Variants in SLC2A8 observed in about 807,000 individuals in gnomAD.
SLC2A8 encodes solute carrier family 2, facilitated glucose transporter member 8.
Under a neutral mutation model 49.2 loss-of-function variants are expected in SLC2A8, and 53 were observed. The observed-to-expected ratio is 1.08, with a 90% CI of 0.86 to 1.35. The LOEUF (loss-of-function observed/expected upper bound fraction) is 1.35, where lower values mean the gene tolerates loss of function less well. Among genes scored for constraint, SLC2A8 ranks in the 40% most tolerant of loss-of-function variants. The probability of loss-of-function intolerance (pLI) is 0.00; values close to 1 mark genes in which losing one functional copy is unlikely to be tolerated. For synonymous variants in SLC2A8, 299 were observed against 297.0 expected, an observed-to-expected ratio of 1.01 and a Z score of -0.07; for missense variants, 688 against 671.7, an observed-to-expected ratio of 1.02 and a Z score of -0.27.
intron 9 of SLC2A8, chr9:127,406,101 A>G: frequency 1.9e-6 from 1 of 517,234 alleles, no homozygotes; most frequent in African/African-American, 1.9e-5. Context: ...GCCAACAGAG[A>G]GACAGTTCTG....
At chr9:127,406,029 C>G in intron 9 of SLC2A8, 1 of 519,724 alleles carries the variant, frequency 1.9e-6, no homozygotes, top group Non-Finnish European at 3.8e-6. Context: ...TTCAGTTCAT[C>G]CTGTTGCTGC....
chr9:127,406,021 C>T (rs778981794), intron 9 of SLC2A8: 1 of 520,350 alleles, frequency 1.9e-6, no homozygotes, highest in Non-Finnish European at 3.8e-6. Flanking sequence ...AGCATTAATT[C>T]AGTTCATCCT....
In SLC2A8 at chr9:127,399,390, AAAC is replaced by A. The variant is rs1163245931; in HGVS notation, c.427-515_427-513del. 6.6e-6 allele frequency among the ~76,000 whole-genome samples: 1 copy of A among 151,932 alleles called. No homozygotes were observed. Among genetic ancestry groups the A allele is most frequent in the Admixed American group, 6.5e-5 (1 of 15,272 alleles). ...CTCTCCGTTACCCTTAATCCCCTTTAAACACCTGCCACAGATCTTTCAGTGGTG... is the reference window on the plus strand; with the variant it reads ...CTCTCCGTTACCCTTAATCCCCTTTAACCTGCCACAGATCTTTCAGTGGTG... On this transcript the variant is annotated intron_variant, in intron 3 of 9. Coordinates refer to ENST00000373371, the MANE Select transcript of SLC2A8 (RefSeq NM_014580.5). The surrounding 1 kb of genome is among the most constrained non-coding windows in gnomAD (Gnocchi z 4.2).
intron 9 of SLC2A8, 27 bp downstream of exon 9, chr9:127,405,592 G>C: frequency 6.2e-7 from 1 of 1,612,036 alleles, no homozygotes; most frequent in East Asian, 2.2e-5. Context: ...CCAGCACCGC[G>C]TTCGTGCAGT....
intron 4 of SLC2A8, 171 bp from the exon 5 acceptor site, chr9:127,402,386 G>A (rs1833320718): frequency 9.5e-7 from 1 of 1,055,206 alleles, no homozygotes; most frequent in African/African-American, 1.6e-5. Context: ...ATTGGCCCGT[G>A]CCATGTGCCT....
At chr9:127,401,623 T>A (rs1833296366) in intron 4 of SLC2A8, among the ~76,000 whole-genome samples, 1 of 152,244 alleles carries the variant, frequency 6.6e-6, no homozygotes, top group Non-Finnish European at 1.5e-5. Flanking sequence ...TCTTAATATG[T>A]GCTTGTTGCT....
rs1564213084 is a variant in SLC2A8 at position 127,398,022 on chromosome 9, G to T, written c.337G>T (p.Val113Phe). 5 of 1,575,834 alleles carry T rather than the reference G, an allele frequency of 3.2e-6. No individual in the cohort carries two copies. In the South Asian group the frequency reaches 4.6e-5, roughly 14 times the overall value. The change falls in exon 3 of 10, where the codon GTC becomes TTC. Residue 113 changes from valine (V) to phenylalanine (F), a missense_variant. Coordinates refer to ENST00000373371, the MANE Select transcript of SLC2A8 (RefSeq NM_014580.5). ...CGTGCCCTTCGTGGCCGGCTTTGCC[G>T]TCATCACCGCGGCCCAGGACGTGTG... is the stretch of plus-strand genomic sequence containing the variant. ...CSVPFVAGFA[V>F]ITAAQDVWML...
In SLC2A8 at chr9:127,397,896, C is replaced by T; in HGVS notation, c.220-9C>T. On this transcript the variant is annotated splice_polypyrimidine_tract_variant and intron_variant, in intron 2 of 9. Transcript: ENST00000373371. ...CGGCGCCCCCTCCTCAGCAGCCGCCCGCCTCCAGGCTGTCGTGACCCTGGG... is the reference window on the plus strand; with the variant it reads ...CGGCGCCCCCTCCTCAGCAGCCGCCTGCCTCCAGGCTGTCGTGACCCTGGG... 1.3e-6 allele frequency: 2 copies of T among 1,481,586 alleles called. No individual in the cohort carries two copies. The highest frequency in any genetic ancestry group is 1.8e-6 in the Non-Finnish European group (2 of 1,123,072). The allele number at this position is 1,481,586 out of a possible 1,614,324, so 91.8% of individuals were successfully genotyped here. A position where few individuals can be genotyped will look rare whatever the true frequency, so the allele number is the denominator to read the frequency against.
rs1341853258 is a variant in SLC2A8, at chr9:127,406,619, G to T, written c.1297-493G>T. Among the ~76,000 whole-genome samples the T allele has an allele frequency of 4.6e-5, 7 of 152,222 alleles. No individual in the cohort carries two copies. The East Asian group carries it at 1.3e-3, about 29-fold the overall frequency. On this transcript the variant is annotated intron_variant, in intron 9 of 9. Coordinates refer to ENST00000373371, the MANE Select transcript of SLC2A8 (RefSeq NM_014580.5). ...CCTTTTTAGTTCTGGCACGTGGGAG[G>T]TCACAGTGGTGGTGGATGGCAGGGA...
Position 127,407,401 on chromosome 9 carries a change from C to T in SLC2A8, c.*152C>T. The T allele has an allele frequency of 1.0e-6, 1 of 993,710 alleles. No individual in the cohort carries two copies. The highest frequency in any genetic ancestry group is 1.6e-6 in the Non-Finnish European group (1 of 632,974). 61.6% of individuals were successfully genotyped at this position (993,710 alleles called of 1,614,324 possible). The stretch of plus-strand genomic sequence containing the variant: ...CTGTCATGCTCCCTCCAGCCCATGA[C>T]CCGGGGCTAGGAGGCTCACTGCCTC... On this transcript the variant is annotated 3_prime_UTR_variant, in exon 10 of 10. Transcript: ENST00000373371.
In SLC2A8 at chr9:127,397,476, A is replaced by C. The variant is rs1588999522; in HGVS notation, c.157A>C (p.Ser53Arg). Residue 53 changes from serine to arginine, a missense_variant, in exon 2 of 10, where the codon AGC becomes CGC. Ser to Arg is a moderately radical substitution (Grantham distance 110, BLOSUM62 -1). Transcript: ENST00000373371. ...CGGCTACAGCTCCCCGGCCATCCCT[A>C]GCCTGCAGCGCGCCGCGCCCCCGGC... ...ALGYSSPAIP[S>R]LQRAAPPAPR... 1.4e-6 allele frequency: 2 copies of C among 1,477,406 alleles called. No individual in the cohort carries two copies. Among genetic ancestry groups the C allele is most frequent in the Non-Finnish European group, 1.8e-6 (2 of 1,122,504 alleles). 91.5% of individuals were successfully genotyped at this position (1,477,406 alleles called of 1,614,324 possible).
intron 4 of SLC2A8, 152 bp from the exon 5 acceptor site, chr9:127,402,405 A>C: frequency 8.1e-7 from 1 of 1,240,960 alleles, no homozygotes; most frequent in Non-Finnish European, 1.1e-6. Flanking sequence ...CTTCATGAAC[A>C]GTTGTGATAA....
chr9:127,400,636 G>A (rs897869973), intron 4 of SLC2A8, among the ~76,000 whole-genome samples: 10 of 152,142 alleles, frequency 6.6e-5, no homozygotes, highest in East Asian at 1.9e-4. Context: ...TCTTCAGCCC[G>A]GGCGAGTAAA....
At position 127,399,241 on chromosome 9, in the gene SLC2A8, G is replaced by A. The variant is rs113265431; in HGVS notation, c.427-666G>A. Among the ~76,000 whole-genome samples, 5 of 152,342 alleles carry A rather than the reference G, an allele frequency of 3.3e-5. 1 individual carries two copies. Among genetic ancestry groups the A allele is most frequent in the African/African-American group, 1.2e-4 (5 of 41,584 alleles). On this transcript the variant is annotated intron_variant, in intron 3 of 9. Coordinates refer to ENST00000373371, the MANE Select transcript of SLC2A8 (RefSeq NM_014580.5). The surrounding 1 kb of genome is among the most constrained non-coding windows in gnomAD (Gnocchi z 4.2). ...GCGTCACGTGGAGCTGGTTAACAAG[G>A]TGGAATCTTTCGCCTGTCCAGACCT...
chr9:127,405,684 T>C, intron 9 of SLC2A8, 119 bp downstream of exon 9: 3 of 1,351,064 alleles, frequency 2.2e-6, no homozygotes, highest in Non-Finnish European at 3.0e-6. Context: ...AGCCCCACCA[T>C]GCCTGGGCCA....
chr9:127,407,527 G>A lies in SLC2A8; in HGVS notation c.*278G>A. 1 of 554,202 alleles carries A rather than the reference G, an allele frequency of 1.8e-6. No homozygotes were observed. Among genetic ancestry groups the A allele is most frequent in the South Asian group, 1.6e-5 (1 of 63,904 alleles). The allele number at this position is 554,202 out of a possible 1,614,324, so 34.3% of individuals were successfully genotyped here. The stretch of plus-strand genomic sequence containing the variant: ...TGCGCAAGACTAAAGCAGCGGAAGA[G>A]GAGGTGGGCCTCTAGGATCTTTGTC... On this transcript the variant is annotated 3_prime_UTR_variant, in exon 10 of 10. Transcript: ENST00000373371.
intron 8 of SLC2A8, 36 bp from the exon 9 acceptor site, chr9:127,405,384 A>T: frequency 6.2e-7 from 1 of 1,606,726 alleles, no homozygotes; most frequent in African/African-American, 1.3e-5. Flanking sequence ...AGCCCTGCGG[A>T]CCCTGATGCC....
At chr9:127,398,424 C>T in intron 3 of SLC2A8, 2 of 702,696 alleles carry the variant, frequency 2.8e-6, no homozygotes, top group South Asian at 2.8e-5. Flanking sequence ...CCGTGCCCCT[C>T]TTTTGCTCTG....
intron 3 of SLC2A8, chr9:127,398,464 C>T (rs1833136461): frequency 3.6e-6 from 2 of 551,932 alleles, no homozygotes; most frequent in East Asian, 3.9e-5. Context: ...CAGGAGCCCA[C>T]TCCCTACATT....
Sources: allele counts gnomAD v4.1 joint callset (sites outside exome capture counted in the v4.1 genomes callset), GRCh38; gene constraint gnomAD v4.1.1; non-coding constraint Gnocchi (gnomAD v3.1); transcripts MANE v1.5; gene names NCBI Gene and HGNC (gene_info 2026-07-23, HGNC 2026-07-21).